Variants in LINGO2 observed in about 807,000 individuals in gnomAD.
LINGO2 encodes the protein leucine-rich repeat and immunoglobulin-like domain-containing nogo receptor-interacting protein 2.
LINGO2 carries 14 observed loss-of-function variants against 30.6 expected under a neutral mutation model. The observed-to-expected ratio is 0.46, with a 90% CI of 0.30 to 0.72. The LOEUF is 0.72. Among genes scored for constraint, LINGO2 ranks in the 30% least tolerant of loss-of-function variants. LINGO2 has a pLI of 0.07. For synonymous variants in LINGO2, 317 were observed against 288.5 expected, an observed-to-expected ratio of 1.10 and a Z score of -1.00; for missense variants, 729 against 751.7, an observed-to-expected ratio of 0.97 and a Z score of 0.35.
intron 3 of LINGO2, among the ~76,000 whole-genome samples, chr9:28,316,108 A>G (rs527542811): frequency 1.3e-4 from 20 of 152,244 alleles, no homozygotes; most frequent in African/African-American, 4.3e-4. Context: ...ATGAGCAAAT[A>G]CATATGAAGC....
At chr9:27,945,140 T>C (rs1028602766), downstream of LINGO2, among the ~76,000 whole-genome samples, 2 of 152,146 alleles carry the variant, frequency 1.3e-5, no homozygotes, top group African/African-American at 2.4e-5. Context: ...TTAAAACAAA[T>C]GTCTTGACAC....
At chr9:28,163,231 G>A (rs1032469953) in intron 4 of LINGO2, among the ~76,000 whole-genome samples, 1 of 152,132 alleles carries the variant, frequency 6.6e-6, no homozygotes, top group African/African-American at 2.4e-5. Context: ...GTTATTTCTA[G>A]ATTTGAGGAG....
At chr9:28,615,197 G>A (rs1199883726) in intron 1 of LINGO2, among the ~76,000 whole-genome samples, 1 of 152,132 alleles carries the variant, frequency 6.6e-6, no homozygotes, top group Admixed American at 6.6e-5. Flanking sequence ...CTCATCCCTA[G>A]AATATCTTGG....
intron 1 of LINGO2, among the ~76,000 whole-genome samples, chr9:28,596,560 G>C (rs1328581884): frequency 6.6e-6 from 1 of 152,096 alleles, no homozygotes; most frequent in Non-Finnish European, 1.5e-5. Context: ...TTGCTATATA[G>C]ATTGTTTTAA....
At chr9:28,536,256 T>C (rs1821433751) in intron 1 of LINGO2, among the ~76,000 whole-genome samples, 1 of 152,234 alleles carries the variant, frequency 6.6e-6, no homozygotes, top group Non-Finnish European at 1.5e-5. Context: ...ACTTTGTAAC[T>C]ATAATTTCTT....
the LINGO2 span, among the ~76,000 whole-genome samples, chr9:29,093,479 T>C: frequency 1.3e-4 from 18 of 135,506 alleles, 1 homozygote; most frequent in African/African-American, 4.7e-4. Context: ...TATACTATCC[T>C]CTCTTAACTA....
chr9:28,738,832 T>A, the LINGO2 span, among the ~76,000 whole-genome samples: 5 of 151,958 alleles, frequency 3.3e-5, no homozygotes, highest in Admixed American at 3.3e-4. Flanking sequence ...AAAATAGATA[T>A]TTTAAGTAAA....
chr9:28,288,306 G>T (rs76845879), intron 4 of LINGO2, among the ~76,000 whole-genome samples: 4,359 of 152,072 alleles, frequency 0.029, 202 homozygotes, highest in African/African-American at 0.099. Flanking sequence ...TGGCGACTTT[G>T]TCAGACTGTA....
chr9:27,989,337 A>G (rs1368021566), intron 5 of LINGO2, among the ~76,000 whole-genome samples: 3 of 151,956 alleles, frequency 2.0e-5, no homozygotes, highest in Non-Finnish European at 4.4e-5. Context: ...CCAACAAAAT[A>G]TAAGATACAT....
At chr9:29,056,077 C>A in the LINGO2 span, among the ~76,000 whole-genome samples, 89 of 151,958 alleles carry the variant, frequency 5.9e-4, no homozygotes, top group Non-Finnish European at 8.5e-4. Flanking sequence ...TATAAACATT[C>A]ATGTGCAAGT....
At chr9:28,689,751 G>T in the LINGO2 span, among the ~76,000 whole-genome samples, 1 of 152,098 alleles carries the variant, frequency 6.6e-6, no homozygotes, top group Admixed American at 6.5e-5. Context: ...AAAGATACAT[G>T]CATGTGTATG....
chr9:28,622,376 TA>T (rs1381965696), intron 1 of LINGO2, among the ~76,000 whole-genome samples: 5 of 151,920 alleles, frequency 3.3e-5, no homozygotes, highest in African/African-American at 1.2e-4. Context: ...TTTTTTATTT[TA>T]ATTTTAATTA....
intron 2 of LINGO2, among the ~76,000 whole-genome samples, chr9:28,395,764 T>C (rs944263374): frequency 6.6e-6 from 1 of 152,246 alleles, no homozygotes; most frequent in African/African-American, 2.4e-5. Context: ...TAAGTTTTTA[T>C]AATTACAGTT....
chr9:28,355,454 C>A (rs1820161639), intron 3 of LINGO2, among the ~76,000 whole-genome samples: 1 of 150,380 alleles, frequency 6.6e-6, no homozygotes, highest in Admixed American at 6.7e-5. Context: ...AACATTCGCC[C>A]CCTAAAGTGC....
chr9:28,377,506 T>TG (rs1199632103), intron 2 of LINGO2, among the ~76,000 whole-genome samples: 2 of 152,148 alleles, frequency 1.3e-5, no homozygotes, highest in African/African-American at 4.8e-5. Context: ...AGTTAAGTTC[T>TG]GGGGGAGTAG....
the LINGO2 span, among the ~76,000 whole-genome samples, chr9:28,780,713 G>C: frequency 6.6e-6 from 1 of 152,002 alleles, no homozygotes; most frequent in Non-Finnish European, 1.5e-5. Flanking sequence ...TTTCTTTCTA[G>C]TTTTACTGTT....
chr9:28,549,346 T>C (rs1822145349), intron 1 of LINGO2, among the ~76,000 whole-genome samples: 2 of 152,148 alleles, frequency 1.3e-5, no homozygotes, highest in South Asian at 4.1e-4. Context: ...CGGAATTTCA[T>C]TCATCTATAT....
chr9:28,088,865 G>A (rs905419660), intron 4 of LINGO2, among the ~76,000 whole-genome samples: 2 of 152,080 alleles, frequency 1.3e-5, no homozygotes, highest in African/African-American at 2.4e-5. Flanking sequence ...AAGGGATGGA[G>A]GAAGATCTAC....
At chr9:28,056,098 C>G (rs545260488) in intron 4 of LINGO2, among the ~76,000 whole-genome samples, 1 of 152,146 alleles carries the variant, frequency 6.6e-6, no homozygotes, top group Non-Finnish European at 1.5e-5. Context: ...TTTCAGTGAG[C>G]AAAGGCAACC....
Sources: gnomAD v4.1 joint callset for allele counts (sites outside exome capture counted in the v4.1 genomes callset) on GRCh38, gnomAD v4.1.1 for gene constraint, MANE v1.5 for transcripts, NCBI Gene and HGNC (gene_info 2026-07-23, HGNC 2026-07-21) for gene names.